The following ANKRD11 variants were observed in gnomAD, a reference collection of about 807,000 sequenced individuals.
The protein encoded by ANKRD11 is ankyrin repeat domain 11, also known as ankyrin repeat domain-containing protein 11.
ANKRD11 carries 17 observed loss-of-function variants against 195.7 expected under a neutral mutation model. That is an observed-to-expected ratio of 0.09 (90% CI 0.06 to 0.13). The LOEUF (loss-of-function observed/expected upper bound fraction) is 0.13. ANKRD11 is among the 10% of genes least tolerant of loss of function. The pLI, the probability that ANKRD11 is intolerant of heterozygous loss-of-function variation, is 1.00. For missense variants in ANKRD11, 3,735 were observed against 3,566.1 expected, an observed-to-expected ratio of 1.05 and a Z score of -1.21; for synonymous variants, 1,953 against 1,528.1, an observed-to-expected ratio of 1.28 and a Z score of -6.49.
In ANKRD11 at chr16:89,374,511, G is replaced by A. The variant is rs566120628; in HGVS notation, c.-60+43773C>T. Among the ~76,000 whole-genome samples, 16 of 152,324 alleles carry A rather than the reference G, an allele frequency of 1.1e-4. 1 individual carries two copies. In the South Asian group the frequency reaches 3.1e-3, roughly 30 times the overall value. ...AAGCCTGTCAAGCCCTGCTCTGTGAGAGAATTCAGAGCCGATGGCCTCTGC... is the reference window on the plus strand; with the variant it reads ...AAGCCTGTCAAGCCCTGCTCTGTGAAAGAATTCAGAGCCGATGGCCTCTGC... On this transcript the variant is annotated intron_variant, in intron 2 of 12. Coordinates refer to ENST00000301030, the MANE Select transcript of ANKRD11 (RefSeq NM_013275.6).
At position 89,448,444 on chromosome 16, in the gene ANKRD11, G is replaced by A. The variant is rs1415867730; in HGVS notation, c.-144-30076C>T. 9.2e-5 allele frequency among the ~76,000 whole-genome samples: 14 copies of A among 152,126 alleles called. No homozygotes were observed. The South Asian group carries it at 2.5e-3, about 27-fold the overall frequency. The stretch of plus-strand genomic sequence containing the variant: ...TCACACCATGAGTTCCAAATCACAC[G>A]AAAGTACTCAAAGTCTTGGCCAAAG... On this transcript the variant is annotated intron_variant, in intron 1 of 12. Transcript: ENST00000301030.
intron 2 of ANKRD11, among the ~76,000 whole-genome samples, chr16:89,417,314 C>T (rs1377542896): frequency 6.6e-6 from 1 of 152,182 alleles, no homozygotes; most frequent in Non-Finnish European, 1.5e-5. Context: ...TTGGAATGTT[C>T]ACTTTAAAAC....
At chr16:89,353,803 A>T (rs930491104) in intron 2 of ANKRD11, among the ~76,000 whole-genome samples, 2 of 152,196 alleles carry the variant, frequency 1.3e-5, no homozygotes, top group African/African-American at 2.4e-5. Context: ...TATGGAACAT[A>T]ATGTTTTTCA....
At chr16:89,294,738 T>TCAGGCACCA (rs2055633453) in intron 4 of ANKRD11, among the ~76,000 whole-genome samples, 1 of 152,196 alleles carries the variant, frequency 6.6e-6, no homozygotes, top group Non-Finnish European at 1.5e-5. Context: ...ACCTGCACTG[T>TCAGGCACCA]CAGGCACCAC....
chr16:89,452,838 C>T (rs2044145300), intron 1 of ANKRD11, among the ~76,000 whole-genome samples: 1 of 151,392 alleles, frequency 6.6e-6, no homozygotes, highest in South Asian at 2.1e-4. Flanking sequence ...TTAAGAGGTC[C>T]TATTCCCCTC....
intron 1 of ANKRD11, among the ~76,000 whole-genome samples, chr16:89,445,111 CCCATCTCT>C (rs1183347380): frequency 1.3e-5 from 2 of 152,246 alleles, no homozygotes; most frequent in Non-Finnish European, 2.9e-5. Context: ...AACTGAAGTC[CCCATCTCT>C]CCACGGCAGG....
At chr16:89,322,522 AG>A (rs1248350622) in intron 2 of ANKRD11, among the ~76,000 whole-genome samples, 1 of 152,252 alleles carries the variant, frequency 6.6e-6, no homozygotes, top group Non-Finnish European at 1.5e-5. Flanking sequence ...GGAGGAAGAC[AG>A]GAAGTCAGCA....
intron 1 of ANKRD11, among the ~76,000 whole-genome samples, chr16:89,430,573 C>T (rs1177433857): frequency 5.3e-5 from 8 of 152,210 alleles, no homozygotes; most frequent in Admixed American, 2.6e-4. Flanking sequence ...TCAACTCTCA[C>T]GCTCAGACGT....
chr16:89,301,567 C>G (rs1179273988), intron 4 of ANKRD11: 1 of 398,724 alleles, frequency 2.5e-6, no homozygotes, highest in Non-Finnish European at 4.4e-6. Context: ...TGGCAGGTGC[C>G]TTCCCACTCC....
rs147006458 is a variant in ANKRD11 at position 89,445,965 on chromosome 16, G to A, written c.-144-27597C>T. Among the ~76,000 whole-genome samples, 787 of 139,066 alleles carry A rather than the reference G, an allele frequency of 5.7e-3. 6 individuals are homozygous for A. The highest frequency in any genetic ancestry group is 0.02 in the African/African-American group (754 of 37,446). The allele number at this position is 139,066 out of a possible 152,430, so 91.2% of individuals were successfully genotyped here. ...GCCTGGGCAACAAGAGCGAAACTCC[G>A]TCTCAAAAACAAAAACAAAAAAAAA... On this transcript the variant is annotated intron_variant, in intron 1 of 12. Transcript: ENST00000301030.
intron 1 of ANKRD11, among the ~76,000 whole-genome samples, chr16:89,464,960 T>C (rs75344714): frequency 6.6e-6 from 1 of 152,246 alleles, no homozygotes; most frequent in Admixed American, 6.5e-5. Flanking sequence ...TCTGGCCCAA[T>C]GTCTTTTTTA....
chr16:89,320,877 T>C (rs924857922), intron 2 of ANKRD11, among the ~76,000 whole-genome samples: 16 of 152,284 alleles, frequency 1.1e-4, no homozygotes, highest in East Asian at 9.7e-4. Context: ...GGGCTCCACC[T>C]CCCCTGCAAT....
chr16:89,279,541 T>A lies in ANKRD11; in HGVS notation c.7001A>T (p.Gln2334Leu). 7.1e-7 allele frequency: 1 copy of A among 1,408,012 alleles called. No individual in the cohort carries two copies. Among genetic ancestry groups the A allele is most frequent in the Middle Eastern group, 2.5e-4 (1 of 4,038 alleles). 87.2% of individuals were successfully genotyped at this position (1,408,012 alleles called of 1,614,324 possible). A position where few individuals can be genotyped will look rare whatever the true frequency, so the allele number is the denominator to read the frequency against. The change falls in exon 9 of 13, where the codon CAG becomes CTG. Residue 2334 changes from glutamine (Q) to leucine (L), a missense_variant. By Grantham distance (113) the Gln-to-Leu change is moderately radical. Coordinates refer to ENST00000301030, the MANE Select transcript of ANKRD11 (RefSeq NM_013275.6). The surrounding 1 kb of genome is among the most constrained non-coding windows in gnomAD (Gnocchi z 5.6). ...PKAPRVEEIPQRMTRNRAQML... is the reference protein window; with the variant it reads ...PKAPRVEEIPLRMTRNRAQML... Reference sequence around the variant, plus strand: ...CTGCGCCCGGTTCCTGGTCATGCGCTGAGGGATCTCCTCCACTCGGGGGGC... The same window carrying A: ...CTGCGCCCGGTTCCTGGTCATGCGCAGAGGGATCTCCTCCACTCGGGGGGC...
Position 89,353,940 on chromosome 16 carries a change from G to A in ANKRD11, c.-59-36862C>T, listed in dbSNP as rs149340847. On this transcript the variant is annotated intron_variant, in intron 2 of 12. Coordinates refer to ENST00000301030, the MANE Select transcript of ANKRD11 (RefSeq NM_013275.6). ...TGTCTGCCACAGGGTGAGGGGCGGC[G>A]GGCAGAGATGGAGACATAAAGGCGG... Among the ~76,000 whole-genome samples, 706 of 152,298 alleles carry A rather than the reference G, an allele frequency of 4.6e-3. 5 individuals carry two copies. Among genetic ancestry groups the A allele is most frequent in the African/African-American group, 0.016 (654 of 41,568 alleles).
chr16:89,317,728 C>T (rs186012527), intron 2 of ANKRD11, among the ~76,000 whole-genome samples: 144 of 152,274 alleles, frequency 9.5e-4, no homozygotes, highest in Middle Eastern at 3.4e-3. Context: ...CCAGGAAATC[C>T]GAGGACACAT....
At chr16:89,374,719 A>G (rs981753384) in intron 2 of ANKRD11, among the ~76,000 whole-genome samples, 2 of 152,240 alleles carry the variant, frequency 1.3e-5, no homozygotes, top group African/African-American at 4.8e-5. Context: ...GGTAAGGACC[A>G]GAAAAAAACA....
chr16:89,425,180 C>T (rs2152252824), intron 1 of ANKRD11, among the ~76,000 whole-genome samples: 1 of 152,096 alleles, frequency 6.6e-6, no homozygotes, highest in East Asian at 1.9e-4. Context: ...AATAATCCCA[C>T]AGAGTAGGTA....
chr16:89,314,077 A>G (rs1022909787), intron 3 of ANKRD11, among the ~76,000 whole-genome samples: 41 of 152,136 alleles, frequency 2.7e-4, no homozygotes, highest in African/African-American at 9.7e-4. Flanking sequence ...TACAAAAATG[A>G]GCCGGGTGTA....
chr16:89,490,079 C>A (rs1421436677), intron 1 of ANKRD11, among the ~76,000 whole-genome samples, 166 bp downstream of exon 1: 1 of 145,050 alleles, frequency 6.9e-6, no homozygotes, highest in African/African-American at 2.5e-5. Flanking sequence ...CCCTCACGAT[C>A]GCCCCGGGCC....
Sources: allele counts gnomAD v4.1 joint callset (sites outside exome capture counted in the v4.1 genomes callset), GRCh38; gene constraint gnomAD v4.1.1; non-coding constraint Gnocchi (gnomAD v3.1); transcripts MANE v1.5; gene names NCBI Gene and HGNC (gene_info 2026-07-23, HGNC 2026-07-21).